MYO15A: variants seen among roughly 807,000 people sequenced by gnomAD.
The protein encoded by MYO15A is unconventional myosin-XV.
Under a neutral mutation model 394.6 loss-of-function variants are expected in MYO15A, and 308 were observed. The observed-to-expected ratio is 0.78, with a 90% CI of 0.71 to 0.86. The LOEUF is 0.86. MYO15A is among the 40% of genes least tolerant of loss of function. The pLI is 0.00. For synonymous variants in MYO15A, 1,957 were observed against 2,003.8 expected, an observed-to-expected ratio of 0.98 and a Z score of 0.62; for missense variants, 4,606 against 4,799.1, an observed-to-expected ratio of 0.96 and a Z score of 1.19.
chr17:18,138,358 G>T (rs974863645), intron 17 of MYO15A, 112 bp downstream of exon 17: 6 of 1,386,010 alleles, frequency 4.3e-6, no homozygotes, highest in African/African-American at 1.4e-5. Flanking sequence ...GTCAGGCAGT[G>T]GGGGGTTGGG....
intron 1 of MYO15A, among the ~76,000 whole-genome samples, chr17:18,114,896 T>A (rs1009120434): frequency 6.6e-6 from 1 of 152,104 alleles, no homozygotes; most frequent in Non-Finnish European, 1.5e-5. Flanking sequence ...TTCCCTGGTG[T>A]CATCCTCCAG....
Position 18,119,756 on chromosome 17 carries a change from C to G in MYO15A, c.956C>G (p.Pro319Arg). Residue 319 changes from proline (P) to arginine (R), a missense_variant, in exon 2 of 66, where the codon CCG becomes CGG. Transcript: ENST00000647165. ...GATTACGAACCCCCATATGCGCCCC[C>G]GTCGGGGTACTCGTCTCCTTACAGC... The part of the protein sequence containing the change: ...YDDYEPPYAP[P>R]SGYSSPYSYH... 1 of 1,612,916 alleles carries G rather than the reference C, an allele frequency of 6.2e-7. No homozygotes were observed. Among genetic ancestry groups the G allele is most frequent in the South Asian group, 1.1e-5 (1 of 91,090 alleles).
chr17:18,112,161 C>A (rs1485638035), intron 1 of MYO15A, among the ~76,000 whole-genome samples: 1 of 151,626 alleles, frequency 6.6e-6, no homozygotes, highest in Admixed American at 6.6e-5. Context: ...AGGTATGGCT[C>A]TGGGAGGTGC....
Position 18,171,723 on chromosome 17 carries a change from C to G in MYO15A, c.10168C>G (p.Gln3390Glu). The change falls in exon 63 of 66, where the codon CAG (glutamine) becomes GAG (glutamate). Residue 3390 changes from glutamine to glutamate, a missense_variant. Around this residue, in one of 2 missense-constraint regions of MYO15A, gnomAD observed 2,776 missense variants for 3,109.3 expected, o/e 0.89. Transcript: ENST00000647165. ...GCTCAACCTGGTCAGCCAGCACCGGCAGCAGACACAGGCGCTCAGCCCCCA... is the reference window on the plus strand; with the variant it reads ...GCTCAACCTGGTCAGCCAGCACCGGGAGCAGACACAGGCGCTCAGCCCCCA... ...TWLNLVSQHR[Q>E]QTQALSPHQA... 6.2e-7 allele frequency: 1 copy of G among 1,612,726 alleles called. No individual in the cohort carries two copies. The highest frequency in any genetic ancestry group is 1.3e-5 in the African/African-American group (1 of 75,044).
In MYO15A at chr17:18,120,224, G is replaced by A. The variant is rs866964032; in HGVS notation, c.1424G>A (p.Arg475His). 4 of 1,612,446 alleles carry A rather than the reference G, an allele frequency of 2.5e-6. No individual in the cohort carries two copies. The highest frequency in any genetic ancestry group is 3.3e-5 in the Admixed American group (2 of 60,002). Reference protein sequence around the residue: ...KPARSKLSLIRKFRLFPRPQV... With the variant: ...KPARSKLSLIHKFRLFPRPQV... ...GCCAGGTCCAAGCTGTCCCTCATCC[G>A]CAAGTTCCGCCTCTTCCCGCGACCC... The change falls in exon 2 of 66, where the codon CGC becomes CAC. Residue 475 changes from arginine (R) to histidine (H), a missense_variant. This residue lies in a region of MYO15A where 1,830 missense variants were observed against 1,689.7 expected (regional missense o/e 1.08). Transcript: ENST00000647165.
At chr17:18,129,264 AC>A (rs2046109404) in intron 7 of MYO15A, among the ~76,000 whole-genome samples, 1 of 152,138 alleles carries the variant, frequency 6.6e-6, no homozygotes, top group East Asian at 1.9e-4. Flanking sequence ...CACAGGTTCC[AC>A]CCTTCTGGTG....
chr17:18,175,292 C>CTTTTTTTTTTTTTTTTT lies in MYO15A; in HGVS notation c.10491+1387_10491+1388insTTTTTTTTTTTTTTTTT, dbSNP rs1182500584. On this transcript the variant is annotated intron_variant, in intron 65 of 65. Coordinates refer to ENST00000647165, the MANE Select transcript of MYO15A (RefSeq NM_016239.4). Reference sequence around the variant, plus strand: ...TCTGGTCTTTCCTCCTCTAGACTATCTTTTTTTTTTTTTTTTGAGGCAAAG... The same window carrying CTTTTTTTTTTTTTTTTT: ...TCTGGTCTTTCCTCCTCTAGACTATCTTTTTTTTTTTTTTTTTTTTTTTTTTTTTTTTTGAGGCAAAG... Among the ~76,000 whole-genome samples, 762 of 91,096 alleles carry CTTTTTTTTTTTTTTTTT rather than the reference C, an allele frequency of 8.4e-3. 134 individuals are homozygous for CTTTTTTTTTTTTTTTTT. The highest frequency in any genetic ancestry group is 0.011 in the Middle Eastern group (1 of 90). The allele number at this position is 91,096 out of a possible 152,430, so 59.8% of individuals were successfully genotyped here.
At chr17:18,123,622 T>C (rs1282132755) in intron 2 of MYO15A, 1 of 152,408 alleles carries the variant, frequency 6.6e-6, no homozygotes, top group African/African-American at 2.4e-5. Flanking sequence ...ATGTGGATCC[T>C]GCGCAGGCCT....
In MYO15A at chr17:18,163,863, G is replaced by T. The variant is rs762951645; in HGVS notation, c.9787+25G>T. The T allele has an allele frequency of 1.6e-5, 26 of 1,607,454 alleles. 1 individual carries two copies. The East Asian group carries it at 2.7e-4, about 17-fold the overall frequency. Reference sequence around the variant, plus strand: ...GGTGAGTGCCAGGAAGACTGAGCATGCTGGGCCCATTCCCATCCCCGGGCC... The same window carrying T: ...GGTGAGTGCCAGGAAGACTGAGCATTCTGGGCCCATTCCCATCCCCGGGCC... On this transcript the variant is annotated intron_variant, in intron 60 of 65. Coordinates refer to ENST00000647165, the MANE Select transcript of MYO15A (RefSeq NM_016239.4).
At position 18,179,183 on chromosome 17, in the gene MYO15A, A is replaced by C; in HGVS notation, c.*313A>C. On this transcript the variant is annotated 3_prime_UTR_variant, in exon 66 of 66. Coordinates refer to ENST00000647165, the MANE Select transcript of MYO15A (RefSeq NM_016239.4). The stretch of plus-strand genomic sequence containing the variant: ...GTACCCATTGCAGACCCTGCCCCTA[A>C]CTCCTGCCTATGACACAGAAGCCCC... 2.2e-6 allele frequency: 1 copy of C among 461,350 alleles called. No individual in the cohort carries two copies. Among genetic ancestry groups the C allele is most frequent in the Non-Finnish European group, 4.0e-6 (1 of 248,508 alleles). The allele number at this position is 461,350 out of a possible 1,614,324, so 28.6% of individuals were successfully genotyped here.
chr17:18,150,630 T>G lies in MYO15A; in HGVS notation c.7328-68T>G. 1 of 1,606,576 alleles carries G rather than the reference T, an allele frequency of 6.2e-7. No homozygotes were observed. Among genetic ancestry groups the G allele is most frequent in the Non-Finnish European group, 8.5e-7 (1 of 1,175,476 alleles). On this transcript the variant is annotated intron_variant, in intron 36 of 65. Coordinates refer to ENST00000647165, the MANE Select transcript of MYO15A (RefSeq NM_016239.4). The surrounding 1 kb of genome is among the most constrained non-coding windows in gnomAD (Gnocchi z 4.4). ...TAGAATGGAGGCAGCCACAGCATGA[T>G]GGGGGCTGAGAGGACAGGGAGGAGG...
At chr17:18,140,102 C>T (rs754294903) in intron 19 of MYO15A, among the ~76,000 whole-genome samples, 2 of 152,218 alleles carry the variant, frequency 1.3e-5, no homozygotes, top group Non-Finnish European at 2.9e-5. Context: ...ATCCCAGCTA[C>T]ACTACGGCCA....
rs2045890190 is a variant in MYO15A, at chr17:18,120,340, G to A, written c.1540G>A (p.Glu514Lys). Residue 514 changes from glutamate (E) to lysine (K), a missense_variant, in exon 2 of 66, where the codon GAG (glutamate) becomes AAG (lysine). Glu to Lys is a moderately conservative substitution (Grantham distance 56, BLOSUM62 1). Transcript: ENST00000647165. ...PLPLGDADEE[E>K]DEEELPPVSA... is the part of the protein sequence containing the mutation. ...CCCCTTGGGGGATGCGGACGAAGAA[G>A]AGGACGAGGAGGAGCTGCCCCCGGT... The A allele has an allele frequency of 6.2e-7, 1 of 1,612,282 alleles. No homozygotes were observed. Among genetic ancestry groups the A allele is most frequent in the South Asian group, 1.1e-5 (1 of 91,090 alleles).
At chr17:18,135,190 G>A (rs1199125674) in intron 12 of MYO15A, among the ~76,000 whole-genome samples, 1 of 151,726 alleles carries the variant, frequency 6.6e-6, no homozygotes, top group Non-Finnish European at 1.5e-5. Flanking sequence ...ATTTTTTCGA[G>A]ACGGAGTTTC....
At chr17:18,161,680 G>T (rs1001903557) in intron 57 of MYO15A, among the ~76,000 whole-genome samples, 1 of 152,192 alleles carries the variant, frequency 6.6e-6, no homozygotes, top group African/African-American at 2.4e-5. Flanking sequence ...AGGAAGTATT[G>T]CCCTGGGTAG....
At position 18,150,445 on chromosome 17, in the gene MYO15A, C is replaced by A; in HGVS notation, c.7229C>A (p.Thr2410Lys). ...TGCCCCCAGGACCTGGAGAAGCCAA[C>A]AGCCATTGCCTACCGCATGAAAGGG... ...SYGDADLEKP[T>K]AIAYRMKGGG... Residue 2410 changes from threonine (T) to lysine (K), a missense_variant, in exon 36 of 66, where the codon ACA becomes AAA. Coordinates refer to ENST00000647165, the MANE Select transcript of MYO15A (RefSeq NM_016239.4). This position sits in a 1 kb window ranked among gnomAD's most constrained non-coding sequence, Gnocchi z 4.4. 6.2e-7 allele frequency: 1 copy of A among 1,614,118 alleles called. No individual in the cohort carries two copies. The highest frequency in any genetic ancestry group is 8.5e-7 in the Non-Finnish European group (1 of 1,179,988).
At chr17:18,130,024 C>T (rs1229177723) in intron 7 of MYO15A, among the ~76,000 whole-genome samples, 18 of 152,146 alleles carry the variant, frequency 1.2e-4, no homozygotes, top group African/African-American at 2.4e-4. Context: ...GGACTACAGG[C>T]GCCCACGACC....
intron 62 of MYO15A, among the ~76,000 whole-genome samples, 165 bp from the exon 63 acceptor site, chr17:18,171,473 C>T (rs377210599): frequency 2.6e-5 from 4 of 152,218 alleles, no homozygotes; most frequent in African/African-American, 9.7e-5. Context: ...AGTACCAAGG[C>T]ACTGTGGGCA....
Position 18,122,181 on chromosome 17 carries a change from C to A in MYO15A, c.3381C>A (p.Phe1127Leu), listed in dbSNP as rs747775830. 1 of 1,613,160 alleles carries A rather than the reference C, an allele frequency of 6.2e-7. No individual in the cohort carries two copies. The highest frequency in any genetic ancestry group is 8.5e-7 in the Non-Finnish European group (1 of 1,180,022). Residue 1127 changes from phenylalanine to leucine, a missense_variant, in exon 2 of 66, where the codon TTC becomes TTA. Phe to Leu is a conservative substitution (Grantham distance 22). Transcript: ENST00000647165. ...VMPRVQKLSSFQRVGPATLKP... is the reference protein window; with the variant it reads ...VMPRVQKLSSLQRVGPATLKP... The stretch of plus-strand genomic sequence containing the variant: ...CTCGTGTGCAGAAGCTGAGCTCTTT[C>A]CAGCGAGTTGGGCCTGCAACCCTGA...
Sources: allele counts gnomAD v4.1 joint callset (sites outside exome capture counted in the v4.1 genomes callset), GRCh38; gene constraint gnomAD v4.1.1; regional missense constraint gnomAD v4.1.1; non-coding constraint Gnocchi (gnomAD v3.1); transcripts MANE v1.5; gene names NCBI Gene and HGNC (gene_info 2026-07-23, HGNC 2026-07-21).